Variants in ZNF365 observed in about 807,000 individuals in gnomAD.
ZNF365 encodes zinc finger protein 365, also known as protein ZNF365.
Under a neutral mutation model 35.0 loss-of-function variants are expected in ZNF365, and 22 were observed. The observed-to-expected ratio is 0.63, with a 90% CI of 0.45 to 0.90. The LOEUF is 0.90. ZNF365 is among the 40% of genes least tolerant of loss of function. The pLI is 0.00. For missense variants in ZNF365, 448 were observed against 500.3 expected (o/e 0.90, Z 1.00); for synonymous variants, 188 against 196.2 (o/e 0.96, Z 0.35).
Position 62,437,035 on chromosome 10 carries a change from C to G in ZNF365, c.925-22706C>G, listed in dbSNP as rs368983558. ...ACTCTCTCTAGCTAAGAGGGAGAGTCAAATACCACATTTAAATGTATGTAT... is the reference window on the plus strand; with the variant it reads ...ACTCTCTCTAGCTAAGAGGGAGAGTGAAATACCACATTTAAATGTATGTAT... On this transcript the variant is annotated intron_variant, in intron 3 of 4. Coordinates refer to the ZNF365 transcript ENST00000395255. Among the ~76,000 whole-genome samples, 4 of 152,174 alleles carry G rather than the reference C, an allele frequency of 2.6e-5. No homozygotes were observed. In the East Asian group the frequency reaches 7.7e-4, roughly 29 times the overall value.
At chr10:62,421,761 G>A (rs1009363271) in intron 3 of ZNF365, among the ~76,000 whole-genome samples, 1 of 152,206 alleles carries the variant, frequency 6.6e-6, no homozygotes, top group African/African-American at 2.4e-5. Context: ...GAAAGCTGCA[G>A]AGCTATTGAT....
intron 3 of ZNF365, among the ~76,000 whole-genome samples, chr10:62,449,845 T>C (rs547272856): frequency 4.6e-5 from 7 of 151,478 alleles, no homozygotes; most frequent in Admixed American, 2.0e-4. Flanking sequence ...ACATTTGAAC[T>C]GTACTGTACA....
chr10:62,386,207 T>C (rs976168028), intron 2 of ZNF365, among the ~76,000 whole-genome samples: 1 of 152,200 alleles, frequency 6.6e-6, no homozygotes, highest in South Asian at 2.1e-4. Context: ...TTGTGGCTCA[T>C]GTAGGAAGCA....
chr10:62,376,868 C>G lies in ZNF365; in HGVS notation c.675C>G (p.Ala225=). The G allele has an allele frequency of 1.2e-6, 2 of 1,614,088 alleles. No homozygotes were observed. The highest frequency in any genetic ancestry group is 1.7e-6 in the Non-Finnish European group (2 of 1,180,034). ...ERALNRQVDV[A]VEMIAVLRQR... Reference sequence around the variant, plus strand: ...CCTTAAACAGACAGGTGGACGTGGCCGTGGAAATGATAGCTGTACTGAGGC... The same window carrying G: ...CCTTAAACAGACAGGTGGACGTGGCGGTGGAAATGATAGCTGTACTGAGGC... The change falls in exon 2 of 5, where the codon GCC becomes GCG. Residue 225 remains alanine, a synonymous_variant. Coordinates refer to ENST00000395254, the MANE Select transcript of ZNF365 (RefSeq NM_014951.3).
intron 2 of ZNF365, among the ~76,000 whole-genome samples, chr10:62,388,107 A>T (rs1839553844): frequency 6.6e-6 from 1 of 150,554 alleles, no homozygotes; most frequent in Non-Finnish European, 1.5e-5. Flanking sequence ...AATATTATTC[A>T]CTCCTTTCCT....
At chr10:62,374,963 G>A (rs1839291722) in intron 1 of ZNF365, among the ~76,000 whole-genome samples, 1 of 152,186 alleles carries the variant, frequency 6.6e-6, no homozygotes, top group Admixed American at 6.5e-5. Context: ...ACCCATCACA[G>A]GAAGAGGTTC....
chr10:62,419,320 A>C (rs1175721859), intron 3 of ZNF365, among the ~76,000 whole-genome samples: 1 of 152,094 alleles, frequency 6.6e-6, no homozygotes, highest in Non-Finnish European at 1.5e-5. Context: ...TGCATATGTA[A>C]AAACTGCACA....
chr10:62,426,121 C>T (rs1564584882), intron 3 of ZNF365, among the ~76,000 whole-genome samples: 1 of 152,076 alleles, frequency 6.6e-6, no homozygotes, highest in African/African-American at 2.4e-5. Flanking sequence ...TTTGCCCCCA[C>T]ACCTGATTGT....
chr10:62,433,804 T>C (rs1028563940), intron 3 of ZNF365, among the ~76,000 whole-genome samples: 15 of 152,186 alleles, frequency 9.9e-5, no homozygotes, highest in African/African-American at 3.4e-4. Flanking sequence ...AACATTTTCA[T>C]TTGGAAATAC....
chr10:62,446,646 G>A (rs1327811033), intron 3 of ZNF365, among the ~76,000 whole-genome samples: 1 of 152,108 alleles, frequency 6.6e-6, no homozygotes, highest in Admixed American at 6.6e-5. Context: ...TACTGCTGCA[G>A]CTATTGAAGA....
At chr10:62,391,349 AC>A (rs1013278038) in intron 3 of ZNF365, among the ~76,000 whole-genome samples, 1 of 152,096 alleles carries the variant, frequency 6.6e-6, no homozygotes, top group Admixed American at 6.6e-5. Flanking sequence ...TGTACACTGT[AC>A]CCAGTTTGTA....
chr10:62,395,159 C>T (rs1050890840), intron 3 of ZNF365, among the ~76,000 whole-genome samples: 1 of 152,138 alleles, frequency 6.6e-6, no homozygotes, highest in African/African-American at 2.4e-5. Flanking sequence ...TTATTCAAAA[C>T]TTTCTTTGTT....
At chr10:62,471,133 A>G (rs998299760) in intron 4 of ZNF365, among the ~76,000 whole-genome samples, 82 of 152,106 alleles carry the variant, frequency 5.4e-4, no homozygotes, top group South Asian at 1.2e-3. Flanking sequence ...TTGGGAGGCC[A>G]AGGCGGGCGG....
chr10:62,397,604 G>T (rs931295582), intron 3 of ZNF365, among the ~76,000 whole-genome samples: 3 of 152,174 alleles, frequency 2.0e-5, no homozygotes, highest in Non-Finnish European at 2.9e-5. Flanking sequence ...TTATTCTGCA[G>T]ATGAGAATAT....
intron 3 of ZNF365, among the ~76,000 whole-genome samples, chr10:62,397,681 T>C (rs1402874003): frequency 1.3e-5 from 2 of 152,340 alleles, no homozygotes; most frequent in East Asian, 3.9e-4. Context: ...TGGGAAATCA[T>C]CTCAATGATA....
chr10:62,461,419 G>A (rs1840845189), intron 4 of ZNF365, among the ~76,000 whole-genome samples: 1 of 152,198 alleles, frequency 6.6e-6, no homozygotes, highest in Non-Finnish European at 1.5e-5. Flanking sequence ...GTCTGAACAG[G>A]GAAAGGCCTC....
chr10:62,474,211 T>TGGGGCCACCTTCCATGAAAGATATGGCC (rs925732537), intron 4 of ZNF365, among the ~76,000 whole-genome samples: 1 of 152,184 alleles, frequency 6.6e-6, no homozygotes, highest in Non-Finnish European at 1.5e-5. Context: ...TGATCATGGC[T>TGGGGCCACCTTCCATGAAAGATATGGCC]GGGGCCACCT....
chr10:62,471,339 C>T (rs1272467938), intron 4 of ZNF365, among the ~76,000 whole-genome samples: 3 of 144,520 alleles, frequency 2.1e-5, no homozygotes, highest in Non-Finnish European at 4.5e-5. Context: ...GCATTCCAGC[C>T]TGGGCGACAG....
chr10:62,376,940 A>G lies in ZNF365; in HGVS notation c.743+4A>G, dbSNP rs1839346714. On this transcript the variant is annotated splice_donor_region_variant and intron_variant, in intron 2 of 4. Coordinates refer to ENST00000395254, the MANE Select transcript of ZNF365 (RefSeq NM_014951.3). ...AGGAGCTTCTTAGGAAAGAAGAGTA[A>G]GTGTTGCTGACAGGGGATGCTAACC... is the stretch of plus-strand genomic sequence containing the variant. The G allele has an allele frequency of 6.3e-7, 1 of 1,593,656 alleles. No individual in the cohort carries two copies. The highest frequency in any genetic ancestry group is 1.7e-5 in the Admixed American group (1 of 57,750).
Sources: allele counts gnomAD v4.1 joint callset (sites outside exome capture counted in the v4.1 genomes callset), GRCh38; gene constraint gnomAD v4.1.1; transcripts MANE v1.5; gene names NCBI Gene and HGNC (gene_info 2026-07-23, HGNC 2026-07-21).